PCDHGA5: variants seen among roughly 807,000 people sequenced by gnomAD.
The protein encoded by PCDHGA5 is protocadherin gamma-A5.
In PCDHGA5, 36 loss-of-function variants were observed where a neutral mutation model predicts 56.7. The ratio of observed to expected loss-of-function variants is 0.64; its 90% CI spans 0.49 to 0.84. PCDHGA5 has a LOEUF of 0.84. Ranked by LOEUF, PCDHGA5 falls within the 40% of genes least tolerant of loss-of-function variation. The pLI is 0.00. For missense variants in PCDHGA5, 1,305 were observed against 1,201.5 expected (o/e 1.09, Z -1.27); for synonymous variants, 563 against 520.2 (o/e 1.08, Z -1.12).
chr5:141,405,568 T>C, intron 1 of PCDHGA5: 1 of 606,666 alleles, frequency 1.6e-6, no homozygotes, highest in South Asian at 2.1e-5. Context: ...GGGACTAGAG[T>C]AGAGTAGCTG....
intron 1 of PCDHGA5, among the ~76,000 whole-genome samples, chr5:141,369,284 A>ACT (rs1230564029): frequency 6.6e-6 from 1 of 152,194 alleles, no homozygotes; most frequent in Non-Finnish European, 1.5e-5. Flanking sequence ...TCACTCCCCA[A>ACT]TCCTAATAAC....
intron 1 of PCDHGA5, chr5:141,409,204 C>A: frequency 6.2e-7 from 1 of 1,613,942 alleles, no homozygotes; most frequent in South Asian, 1.1e-5. Flanking sequence ...GTAAAGTAAT[C>A]ATAGAAATCC....
chr5:141,370,407 T>C lies in PCDHGA5; in HGVS notation c.2421+3656T>C. 4 of 1,561,028 alleles carry C rather than the reference T, an allele frequency of 2.6e-6. No individual in the cohort carries two copies. The Admixed American group carries it at 5.9e-5, about 23-fold the overall frequency. ...CGCAGAGAGCGGGATGGGAAATAGCTCCGGATGGAGGGGCCCAGCAGGGCA... is the reference window on the plus strand; with the variant it reads ...CGCAGAGAGCGGGATGGGAAATAGCCCCGGATGGAGGGGCCCAGCAGGGCA... On this transcript the variant is annotated intron_variant, in intron 1 of 3. Transcript: ENST00000518069.
chr5:141,441,343 C>T (rs2098240806), intron 1 of PCDHGA5: 1 of 152,368 alleles, frequency 6.6e-6, no homozygotes, highest in African/African-American at 2.4e-5. Flanking sequence ...TAATTAACTA[C>T]ATGCTTGTAA....
chr5:141,394,724 G>C (rs2093074353), intron 1 of PCDHGA5: 2 of 1,613,380 alleles, frequency 1.2e-6, no homozygotes, highest in Non-Finnish European at 1.7e-6. Context: ...ACAGAGATGC[G>C]CTCAAGCAGA....
At chr5:141,412,903 G>C (rs2095586511) in intron 1 of PCDHGA5, 1 of 376,030 alleles carries the variant, frequency 2.7e-6, no homozygotes, top group African/African-American at 2.1e-5. Context: ...ACTTTCCATT[G>C]CATGTATCAC....
At chr5:141,460,453 A>T (rs1487816393) in intron 1 of PCDHGA5, among the ~76,000 whole-genome samples, 3 of 152,152 alleles carry the variant, frequency 2.0e-5, no homozygotes, top group Non-Finnish European at 4.4e-5. Flanking sequence ...ATGAAGATTC[A>T]TATTTTTTTC....
intron 1 of PCDHGA5, among the ~76,000 whole-genome samples, chr5:141,469,739 A>G (rs1352751978): frequency 1.3e-5 from 2 of 152,262 alleles, no homozygotes; most frequent in African/African-American, 4.8e-5. Flanking sequence ...TACACACCTC[A>G]AAAATTACAA....
At position 141,423,654 on chromosome 5, in the gene PCDHGA5, T is replaced by C. The variant is rs768410507; in HGVS notation, c.2421+56903T>C. The C allele has an allele frequency of 6.3e-6, 10 of 1,583,982 alleles. No individual in the cohort carries two copies. The Admixed American group carries it at 1.8e-4, about 28-fold the overall frequency. ...TTTTAGGCAAATGTGACCCGACAAG[T>C]AATCAGGTGAGATTTATTTCTCTGC... On this transcript the variant is annotated intron_variant, in intron 1 of 3. Transcript: ENST00000518069.
chr5:141,384,958 T>C, intron 1 of PCDHGA5: 1 of 1,613,954 alleles, frequency 6.2e-7, no homozygotes, highest in Non-Finnish European at 8.5e-7. Flanking sequence ...TCCTTACAAC[T>C]ATGACCTCAC....
chr5:141,503,046 G>T (rs1187153008), intron 2 of PCDHGA5, among the ~76,000 whole-genome samples: 1 of 151,658 alleles, frequency 6.6e-6, no homozygotes, highest in Non-Finnish European at 1.5e-5. Flanking sequence ...GTTGAGACAG[G>T]GTTTCACCAT....
At position 141,512,951 on chromosome 5, in the gene PCDHGA5, AATAAT is replaced by A. The variant is rs1231390259; in HGVS notation, c.*1780_*1784del. 2.1e-5 allele frequency: 3 copies of A among 141,994 alleles called. No homozygotes were observed. Among genetic ancestry groups the A allele is most frequent in the Non-Finnish European group, 4.8e-5 (3 of 62,372 alleles). The allele number at this position is 141,994 out of a possible 1,614,324, so 8.8% of individuals were successfully genotyped here. A position where few individuals can be genotyped will look rare whatever the true frequency, so the allele number is the denominator to read the frequency against. On this transcript the variant is annotated 3_prime_UTR_variant, in exon 4 of 4. Coordinates refer to ENST00000518069, the MANE Select transcript of PCDHGA5 (RefSeq NM_018918.3). ...TATGGCTTTTTTTCTTCGACAAAAAAATAATAAAACGTTTCTTCTGAAAAGCTGAA... is the reference window on the plus strand; with the variant it reads ...TATGGCTTTTTTTCTTCGACAAAAAAAAAACGTTTCTTCTGAAAAGCTGAA...
At position 141,372,874 on chromosome 5, in the gene PCDHGA5, A is replaced by T; in HGVS notation, c.2421+6123A>T. The T allele has an allele frequency of 4.6e-6, 6 of 1,314,500 alleles. No individual in the cohort carries two copies. The East Asian group carries it at 1.2e-4, about 27-fold the overall frequency. 81.4% of individuals were successfully genotyped at this position (1,314,500 alleles called of 1,614,324 possible). A position where few individuals can be genotyped will look rare whatever the true frequency, so the allele number is the denominator to read the frequency against. On this transcript the variant is annotated intron_variant, in intron 1 of 3. Transcript: ENST00000518069. ...GGTTTCAATTCATTGATTTAGAGAT[A>T]AAAAGAATACAGATTAAATATTCCC... is the stretch of plus-strand genomic sequence containing the variant.
intron 1 of PCDHGA5, among the ~76,000 whole-genome samples, chr5:141,467,404 C>T (rs1032912609): frequency 1.3e-5 from 2 of 151,864 alleles, no homozygotes; most frequent in African/African-American, 4.8e-5. Context: ...AGTTAGAAAG[C>T]CTTTCCCCAC....
At chr5:141,398,667 A>G (rs750777887) in intron 1 of PCDHGA5, 1 of 1,614,006 alleles carries the variant, frequency 6.2e-7, no homozygotes, top group Admixed American at 1.7e-5. Flanking sequence ...GTTTCTCATT[A>G]ATAATTAAGG....
intron 1 of PCDHGA5, chr5:141,390,038 C>T: frequency 1.9e-6 from 3 of 1,614,060 alleles, no homozygotes; most frequent in Non-Finnish European, 2.5e-6. Flanking sequence ...GCTCCTCCAG[C>T]CCCGCCTCCT....
chr5:141,468,939 G>A (rs2099186103), intron 1 of PCDHGA5, among the ~76,000 whole-genome samples: 1 of 144,350 alleles, frequency 6.9e-6, no homozygotes, highest in Non-Finnish European at 1.5e-5. Context: ...ATGGGAGATG[G>A]GGTAAACCTG....
chr5:141,408,937 C>T (rs2095198483), intron 1 of PCDHGA5: 5 of 1,613,344 alleles, frequency 3.1e-6, no homozygotes, highest in African/African-American at 1.3e-5. Flanking sequence ...TCAGCAGAGA[C>T]GAATATAGAA....
intron 1 of PCDHGA5, among the ~76,000 whole-genome samples, chr5:141,481,869 G>A (rs909237712): frequency 4.1e-5 from 6 of 146,780 alleles, no homozygotes; most frequent in East Asian, 2.0e-4. Flanking sequence ...AGCCGAGATC[G>A]CGCCACTGCA....
Sources: gnomAD v4.1 joint callset for allele counts (sites outside exome capture counted in the v4.1 genomes callset) on GRCh38, gnomAD v4.1.1 for gene constraint, MANE v1.5 for transcripts, NCBI Gene and HGNC (gene_info 2026-07-23, HGNC 2026-07-21) for gene names.